Variants in SLC25A48 observed in about 807,000 individuals in gnomAD.
The protein encoded by SLC25A48 is CTC-321K16.1.
SLC25A48 carries 29 observed loss-of-function variants against 32.2 expected under a neutral mutation model. That is an observed-to-expected ratio of 0.90 (90% CI 0.67 to 1.23). The LOEUF (loss-of-function observed/expected upper bound fraction) is 1.23, where lower values mean the gene tolerates loss of function less well. Ranked by LOEUF, SLC25A48 falls within the 50% of genes most tolerant of loss-of-function variation. The pLI, the probability that SLC25A48 is intolerant of heterozygous loss-of-function variation, is 0.00. For missense variants in SLC25A48, 399 were observed against 422.7 expected, an observed-to-expected ratio of 0.94 and a Z score of 0.49; for synonymous variants, 164 against 172.3, an observed-to-expected ratio of 0.95 and a Z score of 0.38.
chr5:135,842,760 T>C (rs1391504325), intron 2 of SLC25A48, among the ~76,000 whole-genome samples: 1 of 152,210 alleles, frequency 6.6e-6, no homozygotes, highest in Non-Finnish European at 1.5e-5. Context: ...TCCAAGCCCC[T>C]TGTTCTGGGA....
At position 135,625,348 on chromosome 5, in the gene SLC25A48, G is replaced by A. The variant is rs142883493; in HGVS notation, c.-848-3889G>A. Among the ~76,000 whole-genome samples, 24 of 152,302 alleles carry A rather than the reference G, an allele frequency of 1.6e-4. No individual in the cohort carries two copies. In the East Asian group the frequency reaches 1.9e-3, roughly 12 times the overall value. ...CCTGAGAACAGATGAGGGGCATGAA[G>A]TGGAGGAGTGGGGACAGAAGAGATG... is the stretch of plus-strand genomic sequence containing the variant. On this transcript the variant is annotated intron_variant, in intron 1 of 10. Coordinates refer to the SLC25A48 transcript ENST00000646290.
At chr5:135,623,093 G>T (rs1752363444) in intron 1 of SLC25A48, among the ~76,000 whole-genome samples, 1 of 152,218 alleles carries the variant, frequency 6.6e-6, no homozygotes, top group African/African-American at 2.4e-5. Flanking sequence ...TCTCCATCCT[G>T]TTAGCTACCT....
chr5:135,888,000 TTC>T, intron 7 of SLC25A48, 30 bp from the exon 8 acceptor site: 1 of 1,548,934 alleles, frequency 6.5e-7, no homozygotes. Flanking sequence ...GCCTGCCTTC[TTC>T]TCTGAGTCTG....
chr5:135,753,456 T>A (rs1300727099), intron 3 of SLC25A48, among the ~76,000 whole-genome samples: 1 of 152,006 alleles, frequency 6.6e-6, no homozygotes, highest in Non-Finnish European at 1.5e-5. Flanking sequence ...ATTCCTAATA[T>A]CATGGGGTAT....
intron 3 of SLC25A48, among the ~76,000 whole-genome samples, chr5:135,664,676 C>T (rs202214727): frequency 1.4e-5 from 2 of 146,726 alleles, no homozygotes; most frequent in Non-Finnish European, 3.0e-5. Flanking sequence ...TGAAGACACA[C>T]AGTATTTAAT....
chr5:135,867,018 TA>T (rs1761256644), intron 4 of SLC25A48, among the ~76,000 whole-genome samples: 1 of 152,216 alleles, frequency 6.6e-6, no homozygotes, highest in African/African-American at 2.4e-5. Context: ...TCTATCCTAA[TA>T]AAAGGTAGTA....
chr5:135,650,638 C>T, intron 3 of SLC25A48: 2 of 317,822 alleles, frequency 6.3e-6, no homozygotes, highest in South Asian at 2.4e-5. Flanking sequence ...TCAGCCCTGG[C>T]CAGGTTCCAG....
At chr5:135,765,597 G>A (rs1435553082) in intron 3 of SLC25A48, among the ~76,000 whole-genome samples, 1 of 151,332 alleles carries the variant, frequency 6.6e-6, no homozygotes, top group African/African-American at 2.4e-5. Context: ...CACAAGGACT[G>A]TACACCCCCC....
intron 1 of SLC25A48, 24 bp downstream of exon 1, chr5:135,834,917 C>T: frequency 6.3e-7 from 1 of 1,596,930 alleles, no homozygotes; most frequent in Non-Finnish European, 8.5e-7. Context: ...CCGGGGACCC[C>T]CGGTCAGAGA....
At chr5:135,823,229 C>CA (rs1416725762) in intron 4 of SLC25A48, among the ~76,000 whole-genome samples, 1 of 152,146 alleles carries the variant, frequency 6.6e-6, no homozygotes, top group East Asian at 1.9e-4. Flanking sequence ...CAGGAGTCCA[C>CA]AAGTGGAACA....
At chr5:135,715,864 C>T (rs563255846) in intron 3 of SLC25A48, among the ~76,000 whole-genome samples, 19 of 152,288 alleles carry the variant, frequency 1.2e-4, no homozygotes, top group Admixed American at 8.5e-4. Flanking sequence ...CAAGGTGTGG[C>T]TTTCTGAGGC....
At chr5:135,865,896 T>C (rs1761165487) in intron 4 of SLC25A48, among the ~76,000 whole-genome samples, 1 of 152,242 alleles carries the variant, frequency 6.6e-6, no homozygotes, top group South Asian at 2.1e-4. Context: ...GGATTACTAA[T>C]ATGTTTAAGT....
intron 3 of SLC25A48, among the ~76,000 whole-genome samples, chr5:135,676,876 A>G (rs553166430): frequency 2.0e-5 from 3 of 152,080 alleles, no homozygotes; most frequent in Non-Finnish European, 4.4e-5. Flanking sequence ...GTCTTAACAC[A>G]TGGTTCATCT....
At chr5:135,834,164 T>A (rs76217270), upstream of SLC25A48, among the ~76,000 whole-genome samples, 21,158 of 152,152 alleles carry the variant, frequency 0.14, 1,891 homozygotes, top group Middle Eastern at 0.2. Context: ...GAGAGGGAGT[T>A]TGAGGTACAG....
chr5:135,658,844 C>G (rs986304641), intron 3 of SLC25A48, among the ~76,000 whole-genome samples: 2 of 152,224 alleles, frequency 1.3e-5, no homozygotes, highest in Non-Finnish European at 2.9e-5. Context: ...TACTTGGCCT[C>G]TTTTAGTCAT....
At chr5:135,735,479 C>T (rs1755338481) in intron 3 of SLC25A48, among the ~76,000 whole-genome samples, 1 of 152,170 alleles carries the variant, frequency 6.6e-6, no homozygotes, top group Non-Finnish European at 1.5e-5. Context: ...ATGAACTGGG[C>T]TGAGTTTTCG....
chr5:135,622,967 T>C (rs952209130), intron 1 of SLC25A48, among the ~76,000 whole-genome samples: 2 of 152,182 alleles, frequency 1.3e-5, no homozygotes, highest in Non-Finnish European at 2.9e-5. Context: ...GGGCTGAATA[T>C]GCGGGGGCTT....
chr5:135,825,915 C>G (rs1238298816), intron 4 of SLC25A48: 1 of 152,236 alleles, frequency 6.6e-6, no homozygotes, highest in Non-Finnish European at 1.5e-5. Context: ...TGCAGTCACA[C>G]CACGGGGAAG....
At chr5:135,585,857 T>C (rs1440793381) in intron 1 of SLC25A48, among the ~76,000 whole-genome samples, 1 of 152,194 alleles carries the variant, frequency 6.6e-6, no homozygotes, top group East Asian at 1.9e-4. Flanking sequence ...TCTTGTCACA[T>C]AGTAAGTGTT....
Sources: allele counts gnomAD v4.1 joint callset (sites outside exome capture counted in the v4.1 genomes callset), GRCh38; gene constraint gnomAD v4.1.1; transcripts MANE v1.5; gene names NCBI Gene and HGNC (gene_info 2026-07-23, HGNC 2026-07-21).